Variants in CNBD1 observed in about 807,000 individuals in gnomAD.
CNBD1 encodes the protein cyclic nucleotide binding domain containing 1, also known as cyclic nucleotide-binding domain-containing protein 1.
A neutral mutation model predicts 54.4 loss-of-function variants in CNBD1; 71 were observed. The ratio of observed to expected loss-of-function variants is 1.30; its 90% CI spans 1.08 to 1.59. The LOEUF (loss-of-function observed/expected upper bound fraction) is 1.59, where lower values mean the gene tolerates loss of function less well. CNBD1 is among the 40% of genes most tolerant of loss of function. The pLI, the probability that CNBD1 is intolerant of heterozygous loss-of-function variation, is 0.00. For missense variants in CNBD1, 659 were observed against 518.0 expected, an observed-to-expected ratio of 1.27 and a Z score of -2.64; for synonymous variants, 182 against 170.7, an observed-to-expected ratio of 1.07 and a Z score of -0.51.
intron 4 of CNBD1, among the ~76,000 whole-genome samples, chr8:87,156,868 A>G (rs1239006660): frequency 6.6e-6 from 1 of 152,126 alleles, no homozygotes; most frequent in African/African-American, 2.4e-5. Flanking sequence ...AAGTAAATAG[A>G]AAAAAAGGAG....
chr8:87,424,198 C>G (rs1167434001), intron 2 of CNBD1, among the ~76,000 whole-genome samples: 6 of 151,980 alleles, frequency 3.9e-5, no homozygotes, highest in Admixed American at 6.6e-5. Flanking sequence ...AGCGGTCTAT[C>G]TATTTTGTTG....
intron 8 of CNBD1, among the ~76,000 whole-genome samples, chr8:87,347,786 G>T (rs1164786827): frequency 6.6e-6 from 1 of 152,100 alleles, no homozygotes; most frequent in Non-Finnish European, 1.5e-5. Flanking sequence ...CTGAGAAGGG[G>T]AGAAAGGGGT....
intron 6 of CNBD1, among the ~76,000 whole-genome samples, chr8:87,276,267 G>A (rs1431664626): frequency 6.6e-6 from 1 of 151,718 alleles, no homozygotes; most frequent in Non-Finnish European, 1.5e-5. Context: ...TTATTAAGAT[G>A]CTGTCATCTT....
chr8:86,891,193 T>G (rs1808762958), intron 2 of CNBD1, among the ~76,000 whole-genome samples: 1 of 152,116 alleles, frequency 6.6e-6, no homozygotes, highest in African/African-American at 2.4e-5. Flanking sequence ...TTTTCCCCTA[T>G]GTTTTATCCT....
chr8:87,280,369 A>T (rs1296500425), intron 6 of CNBD1, among the ~76,000 whole-genome samples: 1 of 151,556 alleles, frequency 6.6e-6, no homozygotes, highest in Non-Finnish European at 1.5e-5. Context: ...AAGCTAATAG[A>T]AACTCATTCA....
At chr8:86,876,211 G>C (rs1003812124) in intron 1 of CNBD1, among the ~76,000 whole-genome samples, 26 of 137,042 alleles carry the variant, frequency 1.9e-4, no homozygotes, top group African/African-American at 6.5e-4. Context: ...GTGTGTGTGT[G>C]TTTGTGGTGG....
At chr8:87,015,095 A>G (rs1413562356) in intron 4 of CNBD1, among the ~76,000 whole-genome samples, 1 of 152,210 alleles carries the variant, frequency 6.6e-6, no homozygotes, top group Non-Finnish European at 1.5e-5. Flanking sequence ...CTTTCTAGAA[A>G]TTGATATTTA....
intron 8 of CNBD1, among the ~76,000 whole-genome samples, chr8:87,351,265 G>T (rs553948769): frequency 6.6e-6 from 1 of 152,082 alleles, no homozygotes; most frequent in African/African-American, 2.4e-5. Context: ...CAAGATATAG[G>T]CTCTGGAAAG....
In CNBD1 at chr8:86,923,508, G is replaced by C. The variant is rs144775091; in HGVS notation, c.273-16088G>C. ...ATTGGTCTTAGGGTCCCTGCCCCTA[G>C]ACCCAGGTGTTTTCCTTTTGACCCA... On this transcript the variant is annotated intron_variant, in intron 3 of 10. Transcript: ENST00000518476. 3.0e-3 allele frequency among the ~76,000 whole-genome samples: 454 copies of C among 152,210 alleles called. 6 individuals carry two copies. Among genetic ancestry groups the C allele is most frequent in the African/African-American group, 0.011 (437 of 41,548 alleles).
At chr8:87,305,633 C>T (rs1256363739) in intron 8 of CNBD1, among the ~76,000 whole-genome samples, 2 of 152,048 alleles carry the variant, frequency 1.3e-5, no homozygotes, top group East Asian at 3.9e-4. Context: ...TTCAACAAAG[C>T]AAACGAAAAC....
At chr8:86,943,530 T>C (rs1359167743) in intron 4 of CNBD1, among the ~76,000 whole-genome samples, 1 of 151,760 alleles carries the variant, frequency 6.6e-6, no homozygotes, top group Non-Finnish European at 1.5e-5. Context: ...ATGGGAAAAA[T>C]AATAAATAAT....
chr8:87,079,786 TA>T (rs1810949132), intron 4 of CNBD1, among the ~76,000 whole-genome samples: 1 of 152,154 alleles, frequency 6.6e-6, no homozygotes, highest in Non-Finnish European at 1.5e-5. Flanking sequence ...TTTAATTTTT[TA>T]AAAAAGATCT....
At chr8:87,361,625 T>C (rs1428433920) in intron 10 of CNBD1, among the ~76,000 whole-genome samples, 1 of 151,344 alleles carries the variant, frequency 6.6e-6, no homozygotes, top group Non-Finnish European at 1.5e-5. Flanking sequence ...AAGTATAGAT[T>C]TTGCATATAC....
intron 4 of CNBD1, among the ~76,000 whole-genome samples, chr8:86,948,798 C>T (rs187555247): frequency 2.6e-5 from 4 of 152,162 alleles, no homozygotes; most frequent in South Asian, 2.1e-4. Flanking sequence ...GCTTTGGTTG[C>T]CTGTGCTTGC....
chr8:87,112,006 AC>A (rs1811673560), intron 4 of CNBD1, among the ~76,000 whole-genome samples: 1 of 152,034 alleles, frequency 6.6e-6, no homozygotes, highest in Non-Finnish European at 1.5e-5. Flanking sequence ...CGTCACCAAG[AC>A]CTCCCTTATT....
chr8:87,308,826 G>A (rs979128242), intron 8 of CNBD1, among the ~76,000 whole-genome samples: 1 of 152,032 alleles, frequency 6.6e-6, no homozygotes, highest in African/African-American at 2.4e-5. Context: ...CCACAAATGG[G>A]TGAGAACATG....
intron 4 of CNBD1, among the ~76,000 whole-genome samples, chr8:86,960,016 G>T (rs895562210): frequency 1.3e-5 from 2 of 152,112 alleles, no homozygotes; most frequent in Non-Finnish European, 2.9e-5. Flanking sequence ...TGATGATGGT[G>T]ACCTACCGAT....
At chr8:87,391,293 A>G (rs879440517) in intron 2 of CNBD1, among the ~76,000 whole-genome samples, 2 of 152,114 alleles carry the variant, frequency 1.3e-5, no homozygotes, top group Non-Finnish European at 2.9e-5. Flanking sequence ...GATACCTCAA[A>G]TTGATGCACA....
chr8:87,019,891 G>T (rs1027682713), intron 4 of CNBD1, among the ~76,000 whole-genome samples: 3 of 151,870 alleles, frequency 2.0e-5, no homozygotes, highest in Admixed American at 2.0e-4. Flanking sequence ...AAAAAGAAAA[G>T]ATTACATTTA....
Sources: gnomAD v4.1 joint callset for allele counts (sites outside exome capture counted in the v4.1 genomes callset) on GRCh38, gnomAD v4.1.1 for gene constraint, MANE v1.5 for transcripts, NCBI Gene and HGNC (gene_info 2026-07-23, HGNC 2026-07-21) for gene names.